The following EHMT1 variants were observed in gnomAD, a reference collection of about 807,000 sequenced individuals.
EHMT1 encodes histone-lysine N-methyltransferase EHMT1.
A neutral mutation model predicts 147.2 loss-of-function variants in EHMT1; 15 were observed. The ratio of observed to expected loss-of-function variants is 0.10; its 90% confidence interval spans 0.07 to 0.16. EHMT1 has a LOEUF of 0.16. Among genes scored for constraint, EHMT1 ranks in the 10% least tolerant of loss-of-function variants. EHMT1 has a pLI of 1.00. For synonymous variants in EHMT1, 795 were observed against 709.6 expected, an observed-to-expected ratio of 1.12 and a Z score of -1.91; for missense variants, 1,587 against 1,772.4, an observed-to-expected ratio of 0.90 and a Z score of 1.88.
At chr9:137,717,261 T>G in intron 3 of EHMT1, 79 bp downstream of exon 3, 1 of 1,542,064 alleles carries the variant, frequency 6.5e-7, no homozygotes, top group Non-Finnish European at 8.7e-7. Flanking sequence ...TTTGGTGCAT[T>G]GAGGAGAAGC....
intron 4 of EHMT1, chr9:137,742,862 A>G: frequency 5.0e-6 from 1 of 200,134 alleles, no homozygotes; most frequent in South Asian, 8.9e-5. Flanking sequence ...TGGACCTGGC[A>G]CAGAGCTTGT....
intron 3 of EHMT1, among the ~76,000 whole-genome samples, chr9:137,717,622 AAAAAG>A (rs1445059179): frequency 4.1e-5 from 6 of 145,502 alleles, no homozygotes; most frequent in Admixed American, 1.4e-4. Context: ...AAAAAAAAAA[AAAAAG>A]AGATGCTGCT....
At chr9:137,751,924 A>G (rs942353931) in intron 6 of EHMT1, among the ~76,000 whole-genome samples, 1 of 152,098 alleles carries the variant, frequency 6.6e-6, no homozygotes, top group African/African-American at 2.4e-5. Flanking sequence ...GGCCTCTGAA[A>G]ATCTTTTTAT....
intron 18 of EHMT1, chr9:137,802,790 G>A (rs972139518): frequency 8.1e-7 from 1 of 1,230,678 alleles, no homozygotes; most frequent in Non-Finnish European, 1.0e-6. Flanking sequence ...GGGCTGCAGG[G>A]CTTCCATGAC....
At chr9:137,759,847 T>C (rs868123022) in intron 9 of EHMT1, among the ~76,000 whole-genome samples, 15 of 152,098 alleles carry the variant, frequency 9.9e-5, no homozygotes, top group African/African-American at 2.6e-4. Flanking sequence ...CTGGGTGGTG[T>C]GTGTTTCAGA....
At chr9:137,802,884 C>T (rs949759897) in intron 18 of EHMT1, 3 of 1,232,104 alleles carry the variant, frequency 2.4e-6, no homozygotes, top group Non-Finnish European at 3.0e-6. Flanking sequence ...GAGAGGAGCC[C>T]TGAGCCGGCA....
At chr9:137,773,757 C>T (rs1028661461) in intron 10 of EHMT1, among the ~76,000 whole-genome samples, 3 of 152,124 alleles carry the variant, frequency 2.0e-5, no homozygotes, top group East Asian at 3.8e-4. Context: ...TGTGCCAGAC[C>T]GAATACGAAG....
chr9:137,677,147 T>TC (rs1256773376), intron 1 of EHMT1, among the ~76,000 whole-genome samples: 1 of 152,100 alleles, frequency 6.6e-6, no homozygotes, highest in Non-Finnish European at 1.5e-5. Flanking sequence ...GAGTTTTTTT[T>TC]TTTTAAGACA....
intron 3 of EHMT1, among the ~76,000 whole-genome samples, chr9:137,726,646 A>G (rs1004755577): frequency 3.3e-5 from 5 of 152,210 alleles, no homozygotes; most frequent in African/African-American, 1.2e-4. Context: ...CCAGCAGTGG[A>G]ACTGCTGGAT....
In EHMT1 at chr9:137,834,836, C is replaced by G; in HGVS notation, c.3780C>G (p.Ser1260=). 1 of 1,612,572 alleles carries G rather than the reference C, an allele frequency of 6.2e-7. No individual in the cohort carries two copies. The highest frequency in any genetic ancestry group is 8.5e-7 in the Non-Finnish European group (1 of 1,179,648). The change falls in exon 27 of 27, where the codon TCC becomes TCG. Residue 1260 remains serine, a synonymous_variant. Coordinates refer to ENST00000460843, the MANE Select transcript of EHMT1 (RefSeq NM_024757.5). ...KGKLFSCRCG[S]PKCRHSSAAL... ...AGCTCTTCAGCTGCCGCTGCGGCTC[C>G]CCCAAGTGCCGGCACTCGAGCGCGG...
chr9:137,631,729 T>C (rs983419935), intron 1 of EHMT1, among the ~76,000 whole-genome samples: 2 of 151,548 alleles, frequency 1.3e-5, no homozygotes, highest in African/African-American at 4.9e-5. Context: ...TAATGAAAAA[T>C]TAGTTGGGCA....
In EHMT1 at chr9:137,765,837, T is replaced by C. The variant is rs545674766; in HGVS notation, c.1647+3017T>C. On this transcript the variant is annotated intron_variant, in intron 10 of 26. Coordinates refer to ENST00000460843, the MANE Select transcript of EHMT1 (RefSeq NM_024757.5). ...CATCTGTCCTTCAATTTCTATATTGTTCTCGGTCCCTTCTTTTTCTTTCAA... is the reference window on the plus strand; with the variant it reads ...CATCTGTCCTTCAATTTCTATATTGCTCTCGGTCCCTTCTTTTTCTTTCAA... Among the ~76,000 whole-genome samples, 7 of 152,220 alleles carry C rather than the reference T, an allele frequency of 4.6e-5. No individual in the cohort carries two copies. In the East Asian group the frequency reaches 1.4e-3, roughly 29 times the overall value.
At chr9:137,804,133 T>G (rs987260172) in intron 18 of EHMT1, among the ~76,000 whole-genome samples, 1 of 152,142 alleles carries the variant, frequency 6.6e-6, no homozygotes, top group Non-Finnish European at 1.5e-5. Context: ...CTCACTCACA[T>G]GAGAACAGCA....
chr9:137,734,532 C>A (rs963858421), intron 4 of EHMT1, among the ~76,000 whole-genome samples: 7 of 152,076 alleles, frequency 4.6e-5, no homozygotes, highest in African/African-American at 1.5e-4. Context: ...TTGTGGGAGT[C>A]CAGGAAGAAG....
At chr9:137,727,396 G>A (rs1227065874) in intron 3 of EHMT1, among the ~76,000 whole-genome samples, 2 of 152,116 alleles carry the variant, frequency 1.3e-5, no homozygotes, top group Admixed American at 6.5e-5. Context: ...AAGCTTCCCC[G>A]GTTTCCTCCT....
Position 137,695,001 on chromosome 9 carries a change from GT to G in EHMT1, c.22-15964del, listed in dbSNP as rs554913158. 3.9e-5 allele frequency among the ~76,000 whole-genome samples: 6 copies of G among 152,328 alleles called. No individual in the cohort carries two copies. In the East Asian group the frequency reaches 1.2e-3, roughly 29 times the overall value. On this transcript the variant is annotated intron_variant, in intron 1 of 26. Coordinates refer to ENST00000460843, the MANE Select transcript of EHMT1 (RefSeq NM_024757.5). ...ATACCCTCTGACCTCACACTCACCA[GT>G]TATGTCAAGGCACCCGTTCTGGTCA... is the stretch of plus-strand genomic sequence containing the variant.
At chr9:137,795,880 C>G (rs892417610) in intron 16 of EHMT1, among the ~76,000 whole-genome samples, 2 of 151,084 alleles carry the variant, frequency 1.3e-5, no homozygotes, top group Admixed American at 1.3e-4. Flanking sequence ...TAGAGCTTTT[C>G]AGGAAAAAAA....
intron 1 of EHMT1, among the ~76,000 whole-genome samples, chr9:137,651,830 G>A (rs548781470): frequency 6.6e-6 from 1 of 152,218 alleles, no homozygotes; most frequent in African/African-American, 2.4e-5. Context: ...GAGCCGAAAA[G>A]TTCCTATTGC....
At chr9:137,825,021 C>T (rs1395980638) in intron 25 of EHMT1, among the ~76,000 whole-genome samples, 1 of 152,180 alleles carries the variant, frequency 6.6e-6, no homozygotes, top group Non-Finnish European at 1.5e-5. Context: ...CTTACCCTGT[C>T]TAATGTTAGC....
Sources: allele counts gnomAD v4.1 joint callset (sites outside exome capture counted in the v4.1 genomes callset), GRCh38; gene constraint gnomAD v4.1.1; transcripts MANE v1.5; gene names NCBI Gene and HGNC (gene_info 2026-07-23, HGNC 2026-07-21).